EPHA5: variants seen among roughly 807,000 people sequenced by gnomAD.
EPHA5 encodes EPH receptor A5, also known as ephrin type-A receptor 5.
EPHA5 carries 60 observed loss-of-function variants against 105.0 expected under a neutral mutation model. That is an observed-to-expected ratio of 0.57 (90% CI 0.46 to 0.71). The LOEUF is 0.71. EPHA5 is among the 30% of genes least tolerant of loss of function. The pLI is 0.00. For synonymous variants in EPHA5, 513 were observed against 449.1 expected, an observed-to-expected ratio of 1.14 and a Z score of -1.80; for missense variants, 1,218 against 1,274.7, an observed-to-expected ratio of 0.96 and a Z score of 0.68.
chr4:65,522,327 T>C (rs1734830698), intron 3 of EPHA5, among the ~76,000 whole-genome samples: 1 of 149,678 alleles, frequency 6.7e-6, no homozygotes, highest in Non-Finnish European at 1.5e-5. Context: ...TATATATATA[T>C]ATATATAAAA....
intron 2 of EPHA5, among the ~76,000 whole-genome samples, chr4:65,624,972 T>C (rs1746006700): frequency 6.6e-6 from 1 of 152,158 alleles, no homozygotes; most frequent in African/African-American, 2.4e-5. Flanking sequence ...AAGATAAATG[T>C]ATTAAAAATA....
Position 65,495,495 on chromosome 4 carries a change from C to T in EPHA5, c.959G>A (p.Gly320Asp), listed in dbSNP as rs1410955850. ...GGTATAACTGTGAGGTGGACATTTGCCGCAGCTCTGGATGTGAGGTGAGGC... is the reference window on the plus strand; with the variant it reads ...GGTATAACTGTGAGGTGGACATTTGTCGCAGCTCTGGATGTGAGGTGAGGC... Reference protein sequence around the residue: ...FKASPHIQSCGKCPPHSYTHE... With the variant: ...FKASPHIQSCDKCPPHSYTHE... The change falls in exon 4 of 17, where the codon GGC (glycine) becomes GAC (aspartate). Residue 320 changes from glycine to aspartate, a missense_variant. Physicochemically the swap from Gly to Asp is moderately conservative, Grantham distance 94. Coordinates refer to ENST00000613740, the MANE Select transcript of EPHA5 (RefSeq NM_001281766.3). The T allele has an allele frequency of 6.2e-7, 1 of 1,613,844 alleles. No individual in the cohort carries two copies. The highest frequency in any genetic ancestry group is 1.7e-5 in the Admixed American group (1 of 59,980).
chr4:65,332,512 C>A (rs1341494752), intron 15 of EPHA5, among the ~76,000 whole-genome samples: 2 of 147,798 alleles, frequency 1.4e-5, no homozygotes, highest in Admixed American at 6.9e-5. Context: ...TGTACACAAC[C>A]AACAGTGAAC....
At chr4:65,335,796 A>T in intron 15 of EPHA5, 136 bp downstream of exon 15, 1 of 843,042 alleles carries the variant, frequency 1.2e-6, no homozygotes, top group East Asian at 2.9e-5. Flanking sequence ...GCATGCAAAA[A>T]CTATATCCAA....
In EPHA5 at chr4:65,574,743, CAT is replaced by C. The variant is rs375040204; in HGVS notation, c.910+26896_910+26897del. Among the ~76,000 whole-genome samples the C allele has an allele frequency of 3.7e-3, 301 of 80,292 alleles. 2 individuals are homozygous for C. Among genetic ancestry groups the C allele is most frequent in the African/African-American group, 0.014 (265 of 18,456 alleles). The allele number at this position is 80,292 out of a possible 152,430, so 52.7% of individuals were successfully genotyped here. ...ATACATATATATACATATATATATACATATATATATATATACACAGTAATTTT... is the reference window on the plus strand; with the variant it reads ...ATACATATATATACATATATATATACATATATATATATACACAGTAATTTT... On this transcript the variant is annotated intron_variant, in intron 3 of 16. Coordinates refer to ENST00000613740, the MANE Select transcript of EPHA5 (RefSeq NM_001281766.3).
At chr4:65,531,489 T>A (rs890296404) in intron 3 of EPHA5, among the ~76,000 whole-genome samples, 2 of 145,922 alleles carry the variant, frequency 1.4e-5, no homozygotes, top group African/African-American at 4.9e-5. Flanking sequence ...GATCCAGGAA[T>A]CTGATCATAA....
At chr4:65,409,868 T>C (rs1722752166) in intron 7 of EPHA5, among the ~76,000 whole-genome samples, 1 of 152,176 alleles carries the variant, frequency 6.6e-6, no homozygotes, top group African/African-American at 2.4e-5. Context: ...TACCCACTTA[T>C]TCAAAATGAC....
At chr4:65,388,914 C>T (rs2148950319) in intron 8 of EPHA5, among the ~76,000 whole-genome samples, 1 of 152,054 alleles carries the variant, frequency 6.6e-6, no homozygotes, top group Non-Finnish European at 1.5e-5. Context: ...AATGGTAATG[C>T]CTAGGTTTTA....
At chr4:65,622,434 GA>G (rs1377777543) in intron 2 of EPHA5, among the ~76,000 whole-genome samples, 1 of 152,004 alleles carries the variant, frequency 6.6e-6, no homozygotes, top group Admixed American at 6.6e-5. Context: ...AAAAAAATTA[GA>G]AAACTATTCA....
intron 3 of EPHA5, among the ~76,000 whole-genome samples, chr4:65,594,792 T>C (rs1408487056): frequency 6.6e-6 from 1 of 152,150 alleles, no homozygotes; most frequent in African/African-American, 2.4e-5. Context: ...GGTGTAATAA[T>C]TTACAAATAA....
In EPHA5 at chr4:65,593,520, T is replaced by A. The variant is rs532652905; in HGVS notation, c.910+8121A>T. Among the ~76,000 whole-genome samples, 4 of 152,306 alleles carry A rather than the reference T, an allele frequency of 2.6e-5. No homozygotes were observed. In the South Asian group the frequency reaches 8.3e-4, roughly 32 times the overall value. On this transcript the variant is annotated intron_variant, in intron 3 of 16. Transcript: ENST00000613740. ...ACCAAGGAATGTGCTAAAATGTAGA[T>A]CCAGATTTAACATTCTGGGGTAAGG...
intron 1 of EPHA5, among the ~76,000 whole-genome samples, chr4:65,660,354 T>C (rs1403815165): frequency 6.6e-6 from 1 of 152,190 alleles, no homozygotes; most frequent in Non-Finnish European, 1.5e-5. Flanking sequence ...TGGTTGGTTT[T>C]CACCTTGGAT....
rs542993689 is a variant in EPHA5, at chr4:65,529,396, A to G, written c.911-33853T>C. Among the ~76,000 whole-genome samples the G allele has an allele frequency of 1.5e-4, 23 of 151,360 alleles. No individual in the cohort carries two copies. The South Asian group carries it at 3.7e-3, about 25-fold the overall frequency. Reference sequence around the variant, plus strand: ...GTCTCATAAACATATATGTATACCTATGTTTATCTGTGTGCATACGTATGC... The same window carrying G: ...GTCTCATAAACATATATGTATACCTGTGTTTATCTGTGTGCATACGTATGC... On this transcript the variant is annotated intron_variant, in intron 3 of 16. Coordinates refer to ENST00000613740, the MANE Select transcript of EPHA5 (RefSeq NM_001281766.3).
chr4:65,594,003 C>G (rs1742930395), intron 3 of EPHA5, among the ~76,000 whole-genome samples: 1 of 152,188 alleles, frequency 6.6e-6, no homozygotes, highest in Non-Finnish European at 1.5e-5. Context: ...TCGAATTTCT[C>G]TGTACACACT....
intron 15 of EPHA5, among the ~76,000 whole-genome samples, chr4:65,334,740 G>T (rs191366069): frequency 3.3e-5 from 5 of 151,964 alleles, no homozygotes; most frequent in Admixed American, 3.3e-4. Context: ...AAATTATTTA[G>T]AAATTTTTAA....
At chr4:65,447,797 A>G (rs1726696100) in intron 5 of EPHA5, among the ~76,000 whole-genome samples, 1 of 151,702 alleles carries the variant, frequency 6.6e-6, no homozygotes, top group Non-Finnish European at 1.5e-5. Flanking sequence ...ATCTGACCAA[A>G]AAAAAAATGA....
At chr4:65,449,302 C>A (rs989406437) in intron 5 of EPHA5, among the ~76,000 whole-genome samples, 1 of 151,950 alleles carries the variant, frequency 6.6e-6, no homozygotes, top group Admixed American at 6.6e-5. Flanking sequence ...ACCTTAAATT[C>A]AAAAATATGA....
intron 2 of EPHA5, among the ~76,000 whole-genome samples, chr4:65,614,321 C>T (rs1486587372): frequency 1.3e-5 from 2 of 151,736 alleles, no homozygotes; most frequent in Non-Finnish European, 3.0e-5. Flanking sequence ...TAACAGAAAA[C>T]ATACATAGAG....
intron 1 of EPHA5, among the ~76,000 whole-genome samples, chr4:65,656,040 A>T (rs938704070): frequency 6.6e-6 from 1 of 151,680 alleles, no homozygotes; most frequent in African/African-American, 2.4e-5. Context: ...GAGACAAGAA[A>T]ACAGCCAGGA....
Sources: allele counts gnomAD v4.1 joint callset (sites outside exome capture counted in the v4.1 genomes callset), GRCh38; gene constraint gnomAD v4.1.1; transcripts MANE v1.5; gene names NCBI Gene and HGNC (gene_info 2026-07-23, HGNC 2026-07-21).